VIT: variants seen among roughly 807,000 people sequenced by gnomAD.
VIT encodes vitrin.
In VIT, 99 loss-of-function variants were observed where a neutral mutation model predicts 78.0. The ratio of observed to expected loss-of-function variants is 1.27; its 90% confidence interval spans 1.08 to 1.50. VIT has a LOEUF of 1.50. Among genes scored for constraint, VIT ranks in the 40% most tolerant of loss-of-function variants. The pLI is 0.00. For missense variants in VIT, 1,126 were observed against 875.3 expected (o/e 1.29, Z -3.61); for synonymous variants, 374 against 334.3 (o/e 1.12, Z -1.29).
chr2:36,766,666 C>T (rs993852021), intron 6 of VIT, among the ~76,000 whole-genome samples: 8 of 152,168 alleles, frequency 5.3e-5, no homozygotes, highest in South Asian at 2.1e-4. Flanking sequence ...GCATCTAAAA[C>T]GTATTCTCTA....
At chr2:36,760,576 G>A (rs992885031) in intron 6 of VIT, among the ~76,000 whole-genome samples, 5 of 152,284 alleles carry the variant, frequency 3.3e-5, no homozygotes, top group South Asian at 2.1e-4. Flanking sequence ...GCACAGAGAC[G>A]AAGAATGGGT....
Position 36,786,839 on chromosome 2 carries a change from C to G in VIT, c.911-290C>G, listed in dbSNP as rs1421682685. ...AGATCTTAGCCTAGGAAACCATTGA[C>G]AGCCTTCCCTAGCTTGGCTAGGACG... On this transcript the variant is annotated intron_variant, in intron 11 of 15. Transcript: ENST00000379242. Among the ~76,000 whole-genome samples the G allele has an allele frequency of 2.6e-5, 4 of 152,246 alleles. No homozygotes were observed. In the East Asian group the frequency reaches 7.7e-4, roughly 29 times the overall value.
intron 7 of VIT, among the ~76,000 whole-genome samples, chr2:36,771,311 C>T (rs753486010): frequency 6.6e-6 from 1 of 152,064 alleles, no homozygotes; most frequent in Admixed American, 6.5e-5. Context: ...GGGCGGATCA[C>T]GAGGTCAGAA....
intron 14 of VIT, among the ~76,000 whole-genome samples, chr2:36,806,348 T>G (rs777763987): frequency 5.9e-5 from 9 of 152,236 alleles, no homozygotes; most frequent in Admixed American, 5.9e-4. Context: ...CTCAACCTCC[T>G]GCACCACCTC....
intron 12 of VIT, among the ~76,000 whole-genome samples, chr2:36,796,533 A>G (rs1485281517): frequency 6.6e-6 from 1 of 152,240 alleles, no homozygotes; most frequent in Non-Finnish European, 1.5e-5. Flanking sequence ...AAAGTGATCA[A>G]CATCAACCCA....
chr2:36,808,398 G>A (rs1558594068), intron 14 of VIT, 74 bp from the exon 15 acceptor site: 1 of 1,511,354 alleles, frequency 6.6e-7, no homozygotes, highest in Admixed American at 2.1e-5. Context: ...ACCTGCCCCG[G>A]GGGATCAAGC....
At chr2:36,746,639 T>G (rs1246922321) in intron 4 of VIT, among the ~76,000 whole-genome samples, 1 of 152,134 alleles carries the variant, frequency 6.6e-6, no homozygotes, top group African/African-American at 2.4e-5. Context: ...TGGGATTGGT[T>G]GCAATGTCAT....
chr2:36,702,602 C>A (rs915415110), intron 1 of VIT, among the ~76,000 whole-genome samples: 2 of 152,122 alleles, frequency 1.3e-5, no homozygotes, highest in Non-Finnish European at 1.5e-5. Context: ...CTGCCTTGCG[C>A]CTTTACCTCT....
chr2:36,793,494 T>A (rs1181441030), intron 12 of VIT, among the ~76,000 whole-genome samples: 1 of 152,188 alleles, frequency 6.6e-6, no homozygotes, highest in Non-Finnish European at 1.5e-5. Flanking sequence ...CATAGCTGTC[T>A]GAAGGGATGG....
At chr2:36,744,915 C>A (rs2148521348) in intron 4 of VIT, among the ~76,000 whole-genome samples, 1 of 152,164 alleles carries the variant, frequency 6.6e-6, no homozygotes, top group Middle Eastern at 3.4e-3. Context: ...AAGGGTATTT[C>A]CTAGGTTTTC....
Position 36,775,053 on chromosome 2 carries a change from C to T in VIT, c.788C>T (p.Ala263Val), listed in dbSNP as rs34473120. ...SGAAFQKPVGADVSLGEMDSW... is the reference protein window; with the variant it reads ...SGAAFQKPVGVDVSLGEMDSW... ...GCTGCCTTCCAGAAACCTGTTGGAGCGGATGTCAGCCTGGGTAAGCTGCCC... is the reference window on the plus strand; with the variant it reads ...GCTGCCTTCCAGAAACCTGTTGGAGTGGATGTCAGCCTGGGTAAGCTGCCC... Residue 263 changes from alanine (A) to valine (V), a missense_variant, in exon 9 of 16, where the codon GCG becomes GTG. Physicochemically the swap from Ala to Val is moderately conservative, Grantham distance 64. Coordinates refer to ENST00000379242, the MANE Select transcript of VIT (RefSeq NM_053276.4). 5.1e-4 allele frequency: 819 copies of T among 1,613,914 alleles called. 3 individuals are homozygous for T. The African/African-American group carries it at 8.4e-3, about 16-fold the overall frequency.
At chr2:36,706,006 G>A (rs572368817) in intron 1 of VIT, among the ~76,000 whole-genome samples, 38 of 152,214 alleles carry the variant, frequency 2.5e-4, no homozygotes, top group African/African-American at 8.4e-4. Flanking sequence ...TGTCTCCTGC[G>A]GGACCAAATC....
Position 36,814,295 on chromosome 2 carries a change from C to G in VIT, c.2016C>G (p.Leu672=), listed in dbSNP as rs1446914733. ...HSFFVDEFDN[L]HQYVPRIIQN... is the part of the protein sequence containing the mutation. ...TCTTTGTGGACGAGTTTGACAACCT[C>G]CATCAGTATGTCCCCAGGATCATCC... The change falls in exon 16 of 16, where the codon CTC becomes CTG. Residue 672 remains leucine (L), a synonymous_variant. Coordinates refer to ENST00000379242, the MANE Select transcript of VIT (RefSeq NM_053276.4). 1.9e-6 allele frequency: 3 copies of G among 1,614,230 alleles called. No homozygotes were observed. The highest frequency in any genetic ancestry group is 8.5e-7 in the Non-Finnish European group (1 of 1,180,046).
At chr2:36,700,015 GTTAATTTTTT>G (rs2148403397) in intron 1 of VIT, among the ~76,000 whole-genome samples, 1 of 22,050 alleles carries the variant, frequency 4.5e-5, no homozygotes, top group East Asian at 5.2e-4. Context: ...CCAAATGTTA[GTTAATTTTTT>G]TTAATTATAT....
At chr2:36,811,751 CA>C (rs1667188138) in intron 15 of VIT, among the ~76,000 whole-genome samples, 3 of 151,510 alleles carry the variant, frequency 2.0e-5, no homozygotes. Context: ...TGGCTCATTG[CA>C]ACCTCCGCCT....
At chr2:36,718,808 A>G (rs1202165403) in intron 2 of VIT, among the ~76,000 whole-genome samples, 1 of 152,158 alleles carries the variant, frequency 6.6e-6, no homozygotes, top group Admixed American at 6.5e-5. Flanking sequence ...ATTGCTGTAT[A>G]TGCCTGGCTT....
At position 36,781,616 on chromosome 2, in the gene VIT, T is replaced by C. The variant is rs559030902; in HGVS notation, c.803-111T>C. On this transcript the variant is annotated intron_variant, in intron 9 of 15. Transcript: ENST00000379242. ...AAAATTCTGGCCCTCTGTTCCTTTA[T>C]TGAACTTTCAGACACAATTGGGAAA... 4.0e-4 allele frequency: 501 copies of C among 1,240,202 alleles called. 2 individuals carry two copies. In the South Asian group the frequency reaches 6.4e-3, roughly 16 times the overall value. 76.8% of individuals were successfully genotyped at this position (1,240,202 alleles called of 1,614,324 possible).
chr2:36,811,144 G>A (rs1226104361), intron 15 of VIT, among the ~76,000 whole-genome samples: 1 of 152,150 alleles, frequency 6.6e-6, no homozygotes, highest in African/African-American at 2.4e-5. Context: ...GATGGCTGGT[G>A]GCCTGCATGC....
intron 1 of VIT, among the ~76,000 whole-genome samples, chr2:36,698,571 C>A (rs1053842325): frequency 2.0e-5 from 3 of 152,100 alleles, no homozygotes; most frequent in African/African-American, 4.8e-5. Flanking sequence ...GCCTGTACAC[C>A]CTCCCTCCCA....
Sources: gnomAD v4.1 joint callset for allele counts (sites outside exome capture counted in the v4.1 genomes callset) on GRCh38, gnomAD v4.1.1 for gene constraint, MANE v1.5 for transcripts, NCBI Gene and HGNC (gene_info 2026-07-23, HGNC 2026-07-21) for gene names.